Variants in TYW1B observed in about 807,000 individuals in gnomAD.
The protein encoded by TYW1B is S-adenosyl-L-methionine-dependent tRNA 4-demethylwyosine synthase TYW1B.
A neutral mutation model predicts 86.9 loss-of-function variants in TYW1B; 73 were observed. The observed-to-expected ratio is 0.84, with a 90% CI of 0.70 to 1.02. The LOEUF is 1.02. Among genes scored for constraint, TYW1B ranks in the 50% least tolerant of loss-of-function variants. The probability of loss-of-function intolerance (pLI) is 0.00; values close to 1 mark genes in which losing one functional copy is unlikely to be tolerated. For missense variants in TYW1B, 637 were observed against 827.4 expected (o/e 0.77, Z 2.82); for synonymous variants, 248 against 292.8 (o/e 0.85, Z 1.56).
chr7:72,792,976 C>T (rs1554473815), intron 6 of TYW1B, among the ~76,000 whole-genome samples: 2 of 152,128 alleles, frequency 1.3e-5, no homozygotes, highest in Admixed American at 6.6e-5. Flanking sequence ...CTATGAAAAG[C>T]GGATCCAGGA....
chr7:72,717,109 C>T lies in TYW1B; in HGVS notation c.1193-3311G>A, dbSNP rs574308626. 5.3e-5 allele frequency among the ~76,000 whole-genome samples: 8 copies of T among 151,834 alleles called. No individual in the cohort carries two copies. In the South Asian group the frequency reaches 6.3e-4, roughly 12 times the overall value. ...TGAAGTCAGGAGTTCAAGACCAGCTCGGCCAACATGGCAAAACCTCATCTC... is the reference window on the plus strand; with the variant it reads ...TGAAGTCAGGAGTTCAAGACCAGCTTGGCCAACATGGCAAAACCTCATCTC... On this transcript the variant is annotated intron_variant, in intron 9 of 13. Coordinates refer to ENST00000620995, the MANE Select transcript of TYW1B (RefSeq NM_001145440.3).
chr7:72,682,299 T>C (rs1177734241), intron 11 of TYW1B, among the ~76,000 whole-genome samples: 1 of 152,072 alleles, frequency 6.6e-6, no homozygotes, highest in Non-Finnish European at 1.5e-5. Flanking sequence ...TACGTAGTAA[T>C]GATAGCTTAT....
chr7:72,576,817 C>T (rs1811034183), intron 13 of TYW1B, among the ~76,000 whole-genome samples: 1 of 151,722 alleles, frequency 6.6e-6, no homozygotes, highest in Admixed American at 6.6e-5. Context: ...CGGCCCATGC[C>T]ACTATCTTTT....
intron 13 of TYW1B, among the ~76,000 whole-genome samples, chr7:72,584,607 A>T (rs1159011450): frequency 1.3e-5 from 2 of 151,826 alleles, no homozygotes; most frequent in East Asian, 3.9e-4. Context: ...AGGCATGCCC[A>T]ACCATGCCCA....
chr7:72,635,050 T>G (rs1812633877), intron 11 of TYW1B, among the ~76,000 whole-genome samples: 1 of 152,210 alleles, frequency 6.6e-6, no homozygotes, highest in African/African-American at 2.4e-5. Context: ...CTTTAAAGGA[T>G]CATTCCATGC....
chr7:72,671,829 A>C (rs1279952791), intron 11 of TYW1B, among the ~76,000 whole-genome samples: 1 of 130,166 alleles, frequency 7.7e-6, no homozygotes, highest in Non-Finnish European at 1.6e-5. Flanking sequence ...ATTTCTTTTA[A>C]AATTGTATTT....
intron 13 of TYW1B, among the ~76,000 whole-genome samples, chr7:72,614,393 G>A (rs1554436478): frequency 6.6e-6 from 1 of 152,158 alleles, no homozygotes; most frequent in African/African-American, 2.4e-5. Context: ...AGCACTTTGG[G>A]AGACTGAGAC....
intron 2 of TYW1B, among the ~76,000 whole-genome samples, chr7:72,818,751 A>G (rs13311133): frequency 6.6e-6 from 1 of 152,036 alleles, no homozygotes; most frequent in Admixed American, 6.6e-5. Context: ...GCAAAGGAGG[A>G]GCAGGCACAT....
intron 6 of TYW1B, among the ~76,000 whole-genome samples, chr7:72,785,049 T>G (rs1343620143): frequency 1.3e-5 from 2 of 151,538 alleles, no homozygotes; most frequent in Non-Finnish European, 2.9e-5. Context: ...ATGCCACCCC[T>G]AACACCCCAC....
chr7:72,802,268 T>A, intron 6 of TYW1B, 132 bp downstream of exon 6: 1 of 1,472,644 alleles, frequency 6.8e-7, no homozygotes, highest in Non-Finnish European at 9.0e-7. Flanking sequence ...AAAAAAATTA[T>A]AAAACTCTCA....
At chr7:72,609,722 T>G (rs868994133) in intron 13 of TYW1B, among the ~76,000 whole-genome samples, 1 of 152,036 alleles carries the variant, frequency 6.6e-6, no homozygotes, top group South Asian at 2.1e-4. Context: ...AGTGACTACT[T>G]CCTAAGAAAT....
In TYW1B at chr7:72,709,663, G is replaced by A. The variant is rs142935433; in HGVS notation, c.1370+3958C>T. 7.0e-3 allele frequency among the ~76,000 whole-genome samples: 1,068 copies of A among 151,858 alleles called. 9 individuals are homozygous for A. Among genetic ancestry groups the A allele is most frequent in the Non-Finnish European group, 0.01 (694 of 67,962 alleles). ...AGCCTGGGTGACAGAGCGAGACTCCGTCTCAAAAACAAAAAAAAAAATTCC... is the reference window on the plus strand; with the variant it reads ...AGCCTGGGTGACAGAGCGAGACTCCATCTCAAAAACAAAAAAAAAAATTCC... On this transcript the variant is annotated intron_variant, in intron 10 of 13. Transcript: ENST00000620995.
At chr7:72,752,573 A>G (rs1787518114) in intron 7 of TYW1B, among the ~76,000 whole-genome samples, 1 of 152,080 alleles carries the variant, frequency 6.6e-6, no homozygotes, top group Non-Finnish European at 1.5e-5. Context: ...TCTAATAAAA[A>G]TAAAAAAATT....
chr7:72,763,436 C>A (rs1787721316), intron 7 of TYW1B, among the ~76,000 whole-genome samples: 1 of 151,756 alleles, frequency 6.6e-6, no homozygotes, highest in African/African-American at 2.4e-5. Flanking sequence ...GCGCCCACCA[C>A]CACACTCGGC....
At chr7:72,625,200 A>G (rs1338764199) in intron 12 of TYW1B, among the ~76,000 whole-genome samples, 9 of 152,196 alleles carry the variant, frequency 5.9e-5, no homozygotes, top group Admixed American at 4.6e-4. Flanking sequence ...TAGCACATTC[A>G]CATAAAATTT....
At chr7:72,654,145 A>T (rs1344447999) in intron 11 of TYW1B, among the ~76,000 whole-genome samples, 1 of 152,084 alleles carries the variant, frequency 6.6e-6, no homozygotes, top group African/African-American at 2.4e-5. Context: ...TCCCCAACAT[A>T]ATAAAGAATA....
At chr7:72,578,115 T>C (rs1487919765) in intron 13 of TYW1B, among the ~76,000 whole-genome samples, 2 of 54,026 alleles carry the variant, frequency 3.7e-5, no homozygotes, top group African/African-American at 1.9e-4. Context: ...TTCCTCACCA[T>C]TTTTTTTTTT....
chr7:72,775,800 T>C (rs1787944131), intron 7 of TYW1B, among the ~76,000 whole-genome samples: 1 of 151,706 alleles, frequency 6.6e-6, no homozygotes. Flanking sequence ...AACACAGACC[T>C]ACATGAATAG....
chr7:72,632,413 A>G (rs190948837), intron 11 of TYW1B, among the ~76,000 whole-genome samples: 1,586 of 84,028 alleles, frequency 0.019, 59 homozygotes, highest in African/African-American at 0.07. Flanking sequence ...ATATATATAC[A>G]TATATATATA....
Sources: allele counts gnomAD v4.1 joint callset (sites outside exome capture counted in the v4.1 genomes callset), GRCh38; gene constraint gnomAD v4.1.1; transcripts MANE v1.5; gene names NCBI Gene and HGNC (gene_info 2026-07-23, HGNC 2026-07-21).